The following CNTNAP2 variants were observed in gnomAD, a reference collection of about 807,000 sequenced individuals.
The protein encoded by CNTNAP2 is contactin associated protein 2.
Under a neutral mutation model 155.2 loss-of-function variants are expected in CNTNAP2, and 98 were observed. That is an observed-to-expected ratio of 0.63 (90% CI 0.54 to 0.75). The LOEUF is 0.75. CNTNAP2 is among the 30% of genes least tolerant of loss of function. The pLI, the probability that CNTNAP2 is intolerant of heterozygous loss-of-function variation, is 0.00. For missense variants in CNTNAP2, 1,727 were observed against 1,688.1 expected (o/e 1.02, Z -0.40); for synonymous variants, 651 against 631.2 (o/e 1.03, Z -0.47).
intron 3 of CNTNAP2, among the ~76,000 whole-genome samples, chr7:146,878,332 CT>C (rs748164523): frequency 3.1e-3 from 446 of 145,346 alleles, no homozygotes; most frequent in Non-Finnish European, 4.7e-3. Flanking sequence ...GATGTATTAT[CT>C]TTTTTTTTTT....
At chr7:146,218,777 A>G (rs1409145065) in intron 1 of CNTNAP2, among the ~76,000 whole-genome samples, 2 of 152,068 alleles carry the variant, frequency 1.3e-5, no homozygotes, top group African/African-American at 4.8e-5. Context: ...CTAGTAGCTA[A>G]CACACGGAAT....
intron 3 of CNTNAP2, among the ~76,000 whole-genome samples, chr7:146,904,512 C>T (rs1796076828): frequency 6.6e-6 from 1 of 152,146 alleles, no homozygotes; most frequent in Non-Finnish European, 1.5e-5. Context: ...TGCTCTGTCA[C>T]CCAGGCTGGA....
chr7:146,661,732 C>T (rs10280914), intron 1 of CNTNAP2, among the ~76,000 whole-genome samples: 2 of 145,066 alleles, frequency 1.4e-5, no homozygotes, highest in South Asian at 2.2e-4. Flanking sequence ...TTCTTTCTTT[C>T]TTTTTTTTTT....
chr7:147,372,212 A>T (rs1796359544), intron 9 of CNTNAP2, among the ~76,000 whole-genome samples: 1 of 152,040 alleles, frequency 6.6e-6, no homozygotes, highest in Admixed American at 6.6e-5. Context: ...ATGTGCTCTT[A>T]CTCCTGAAAG....
intron 2 of CNTNAP2, among the ~76,000 whole-genome samples, chr7:146,788,738 G>C (rs1802622192): frequency 6.6e-6 from 1 of 151,986 alleles, no homozygotes; most frequent in South Asian, 2.1e-4. Flanking sequence ...CCTGTCCTTT[G>C]GTAGTGACTT....
chr7:147,764,481 G>A (rs1308098744), intron 13 of CNTNAP2, among the ~76,000 whole-genome samples: 3 of 152,146 alleles, frequency 2.0e-5, no homozygotes, highest in African/African-American at 2.4e-5. Flanking sequence ...GATTGACATG[G>A]AGAAAGCTAT....
At chr7:147,970,871 A>C (rs1235933262) in intron 14 of CNTNAP2, among the ~76,000 whole-genome samples, 2 of 152,214 alleles carry the variant, frequency 1.3e-5, no homozygotes, top group Non-Finnish European at 2.9e-5. Context: ...CAAATTCTAA[A>C]TAAGGAATGA....
intron 9 of CNTNAP2, among the ~76,000 whole-genome samples, chr7:147,344,894 T>C (rs1795825826): frequency 6.6e-6 from 1 of 152,188 alleles, no homozygotes; most frequent in African/African-American, 2.4e-5. Context: ...TAACCCTGCA[T>C]ATCCAAATCA....
In CNTNAP2 at chr7:147,128,793, T is replaced by C; in HGVS notation, c.1040T>C (p.Ile347Thr). The change falls in exon 7 of 24, where the codon ATT (isoleucine) becomes ACT (threonine). Residue 347 changes from isoleucine to threonine, a missense_variant. Physicochemically the swap from Ile to Thr is moderately conservative, Grantham distance 89. Transcript: ENST00000361727. Reference protein sequence around the residue: ...MESINYNGVNITDLARRKKLE... With the variant: ...MESINYNGVNTTDLARRKKLE... ...AGCATCAACTACAATGGCGTCAACA[T>C]TACTGATCTTGCCAGAAGGAAGAAA... is the stretch of plus-strand genomic sequence containing the variant. 2.5e-6 allele frequency: 4 copies of C among 1,614,072 alleles called. No homozygotes were observed. The highest frequency in any genetic ancestry group is 3.4e-6 in the Non-Finnish European group (4 of 1,179,948).
chr7:148,167,394 C>T (rs1395117945), intron 17 of CNTNAP2, among the ~76,000 whole-genome samples: 1 of 152,078 alleles, frequency 6.6e-6, no homozygotes, highest in African/African-American at 2.4e-5. Flanking sequence ...CCGCCTTGGC[C>T]TCCCAAAGTG....
intron 13 of CNTNAP2, among the ~76,000 whole-genome samples, chr7:147,825,955 T>G (rs180847022): frequency 1.3e-5 from 2 of 152,304 alleles, no homozygotes; most frequent in East Asian, 3.9e-4. Flanking sequence ...CATTCTCACT[T>G]CGGTTCCTTG....
chr7:147,787,140 C>G (rs1797752780), intron 13 of CNTNAP2, among the ~76,000 whole-genome samples: 1 of 152,164 alleles, frequency 6.6e-6, no homozygotes, highest in African/African-American at 2.4e-5. Flanking sequence ...TACCTGAATA[C>G]CTGCAGGTGT....
chr7:147,472,357 C>T (rs1034399577), intron 10 of CNTNAP2, among the ~76,000 whole-genome samples: 1 of 151,760 alleles, frequency 6.6e-6, no homozygotes, highest in Non-Finnish European at 1.5e-5. Flanking sequence ...GGATTACAGG[C>T]ATGCCCCACC....
At chr7:146,337,312 A>C (rs920103587) in intron 1 of CNTNAP2, among the ~76,000 whole-genome samples, 1 of 152,064 alleles carries the variant, frequency 6.6e-6, no homozygotes. Context: ...AAAAAAAAAA[A>C]AACAAACTAC....
chr7:146,553,938 T>C (rs1798158329), intron 1 of CNTNAP2, among the ~76,000 whole-genome samples: 1 of 152,186 alleles, frequency 6.6e-6, no homozygotes, highest in African/African-American at 2.4e-5. Context: ...TTTACTGACA[T>C]GAACATTATT....
chr7:147,691,662 A>T (rs1484211911), intron 13 of CNTNAP2, among the ~76,000 whole-genome samples: 1 of 152,130 alleles, frequency 6.6e-6, no homozygotes, highest in Non-Finnish European at 1.5e-5. Flanking sequence ...CCGTTAACTT[A>T]TTTACTTGCA....
At chr7:147,495,308 G>A (rs1467805705) in intron 11 of CNTNAP2, among the ~76,000 whole-genome samples, 1 of 152,152 alleles carries the variant, frequency 6.6e-6, no homozygotes, top group Non-Finnish European at 1.5e-5. Context: ...TGAATTGATT[G>A]TTTAACCTTG....
At chr7:146,622,243 ATATCTATC>A (rs71165020) in intron 1 of CNTNAP2, among the ~76,000 whole-genome samples, 4,994 of 144,366 alleles carry the variant, frequency 0.035, 139 homozygotes, top group African/African-American at 0.074. Flanking sequence ...ATGTGTGTGT[ATATCTATC>A]TATCTATCTA....
At chr7:146,236,142 A>AT (rs1396186666) in intron 1 of CNTNAP2, among the ~76,000 whole-genome samples, 2 of 152,054 alleles carry the variant, frequency 1.3e-5, no homozygotes, top group East Asian at 1.9e-4. Context: ...TTATATTCTC[A>AT]TTTTTTGTTA....
Sources: allele counts gnomAD v4.1 joint callset (sites outside exome capture counted in the v4.1 genomes callset), GRCh38; gene constraint gnomAD v4.1.1; transcripts MANE v1.5; gene names NCBI Gene and HGNC (gene_info 2026-07-23, HGNC 2026-07-21).